MEIOB: variants seen among roughly 807,000 people sequenced by gnomAD.
MEIOB encodes meiosis specific with OB-fold.
Under a neutral mutation model 53.1 loss-of-function variants are expected in MEIOB, and 50 were observed. That is an observed-to-expected ratio of 0.94 (90% CI 0.75 to 1.19). The LOEUF (loss-of-function observed/expected upper bound fraction) is 1.19. Among genes scored for constraint, MEIOB ranks in the 50% most tolerant of loss-of-function variants. MEIOB has a pLI of 0.00. For missense variants in MEIOB, 551 were observed against 550.8 expected (o/e 1.00, Z 0.00); for synonymous variants, 192 against 182.5 (o/e 1.05, Z -0.42).
At chr16:1,861,956 A>G (rs924850771) in intron 4 of MEIOB, 29 bp downstream of exon 4, 2 of 1,544,140 alleles carry the variant, frequency 1.3e-6, no homozygotes, top group African/African-American at 2.8e-5. Context: ...ACTATGATGG[A>G]AAAAGTTTAA....
intron 12 of MEIOB, 74 bp downstream of exon 12, chr16:1,839,181 A>G: frequency 6.9e-7 from 1 of 1,449,700 alleles, no homozygotes; most frequent in Non-Finnish European, 9.1e-7. Context: ...GTTTGACAAA[A>G]CAACCTATAT....
In MEIOB at chr16:1,857,765, C is replaced by T; in HGVS notation, c.498G>A (p.Arg166=). Residue 166 remains arginine, a synonymous_variant, in exon 6 of 14, where the codon AGG becomes AGA. Transcript: ENST00000325962. ...IVANGHSLNG[R]IINVLAAVKS... The stretch of plus-strand genomic sequence containing the variant: ...TCACAGCTGCAAGCACGTTAATAAT[C>T]CTCCCATTAAGACTGTGTCCATTTG... 1 of 1,551,320 alleles carries T rather than the reference C, an allele frequency of 6.4e-7. No homozygotes were observed. The highest frequency in any genetic ancestry group is 1.2e-5 in the South Asian group (1 of 83,658).
In MEIOB at chr16:1,854,165, C is replaced by A; in HGVS notation, c.564G>T (p.Arg188=). Residue 188 remains arginine (R), a synonymous_variant, in exon 7 of 14, where the codon CGG becomes CGT. Transcript: ENST00000325962. ...TAACTTCACACCTCTGGCCTTTTCT[C>A]CGGTCTGAAGTTGTAAAGTATTTTG... ...GEPKYFTTSD[R]RKGQRCEVRL... 1 of 1,550,856 alleles carries A rather than the reference C, an allele frequency of 6.4e-7. No homozygotes were observed. Among genetic ancestry groups the A allele is most frequent in the Non-Finnish European group, 8.7e-7 (1 of 1,146,504 alleles).
chr16:1,839,645 G>A (rs1489241622), intron 11 of MEIOB: 12 of 482,090 alleles, frequency 2.5e-5, no homozygotes, highest in East Asian at 3.6e-5. Context: ...CTGAAACTGC[G>A]TACACCAGTC....
At chr16:1,846,069 A>G (rs1419183338) in intron 9 of MEIOB, among the ~76,000 whole-genome samples, 2 of 152,216 alleles carry the variant, frequency 1.3e-5, no homozygotes, top group Non-Finnish European at 2.9e-5. Context: ...CCATCTGACC[A>G]GCCACTCATC....
At chr16:1,854,251 A>G in intron 6 of MEIOB, 51 bp from the exon 7 acceptor site, 1 of 1,079,200 alleles carries the variant, frequency 9.3e-7, no homozygotes, top group Non-Finnish European at 1.4e-6. Context: ...AGAAGTTCTT[A>G]AGTATTTGTT....
At chr16:1,847,086 CAG>C (rs754500572) in intron 9 of MEIOB, among the ~76,000 whole-genome samples, 1 of 152,066 alleles carries the variant, frequency 6.6e-6, no homozygotes, top group Non-Finnish European at 1.5e-5. Context: ...ACCCAGGAGG[CAG>C]AGACTGCAGT....
intron 13 of MEIOB, among the ~76,000 whole-genome samples, chr16:1,834,847 AT>A (rs1898696206): frequency 6.6e-6 from 1 of 152,198 alleles, no homozygotes; most frequent in Non-Finnish European, 1.5e-5. Flanking sequence ...AGGCAGGAGA[AT>A]CCCTTGAACC....
intron 6 of MEIOB, among the ~76,000 whole-genome samples, chr16:1,857,440 ACAT>A (rs1567278989): frequency 6.6e-6 from 1 of 152,230 alleles, no homozygotes. Context: ...CTTTCCATTT[ACAT>A]CTTTGTTTAA....
At chr16:1,852,303 G>A (rs1450983945) in intron 9 of MEIOB, among the ~76,000 whole-genome samples, 1 of 115,378 alleles carries the variant, frequency 8.7e-6, no homozygotes, top group Non-Finnish European at 1.6e-5. Flanking sequence ...TCGCTCTGTC[G>A]CCAGGCTGGA....
chr16:1,858,309 A>G (rs1360780493), intron 5 of MEIOB, among the ~76,000 whole-genome samples: 1 of 152,122 alleles, frequency 6.6e-6, no homozygotes, highest in Non-Finnish European at 1.5e-5. Context: ...TTAGTGCCTC[A>G]GGTCAGGGAC....
chr16:1,867,665 T>A (rs965182773), intron 2 of MEIOB, among the ~76,000 whole-genome samples: 1 of 151,658 alleles, frequency 6.6e-6, no homozygotes, highest in African/African-American at 2.4e-5. Context: ...AGAGATGGGG[T>A]TTCTCCATGT....
At chr16:1,836,100 CCTT>C (rs1306876963) in intron 13 of MEIOB, among the ~76,000 whole-genome samples, 2 of 152,024 alleles carry the variant, frequency 1.3e-5, no homozygotes, top group East Asian at 1.9e-4. Flanking sequence ...CCCTTTGAAT[CCTT>C]CTTCTCCCCT....
At chr16:1,842,719 A>G (rs1898944341) in intron 10 of MEIOB, among the ~76,000 whole-genome samples, 1 of 150,366 alleles carries the variant, frequency 6.7e-6, no homozygotes, top group Non-Finnish European at 1.5e-5. Context: ...GCGGTAGTGC[A>G]GTGGCGCGAT....
rs1899643039 is a variant in MEIOB at position 1,868,201 on chromosome 16, A to G, written c.-9-17T>C. The G allele has an allele frequency of 8.0e-7, 1 of 1,254,054 alleles. No individual in the cohort carries two copies. The highest frequency in any genetic ancestry group is 1.5e-5 in the African/African-American group (1 of 66,870). 77.7% of individuals were successfully genotyped at this position (1,254,054 alleles called of 1,614,324 possible). On this transcript the variant is annotated splice_polypyrimidine_tract_variant and intron_variant, in intron 1 of 13. Transcript: ENST00000325962. ...TTTTTTAATCTGCATTTTAGAAAAT[A>G]TAATTTAGATATATAAATTGAATAA...
At chr16:1,855,738 T>C (rs1899283651) in intron 6 of MEIOB, among the ~76,000 whole-genome samples, 1 of 152,224 alleles carries the variant, frequency 6.6e-6, no homozygotes, top group African/African-American at 2.4e-5. Context: ...TGACTTCTCC[T>C]GTTTTTCAAG....
Position 1,857,879 on chromosome 16 carries a change from G to A in MEIOB, c.384C>T (p.Ser128=). 6.4e-7 allele frequency: 1 copy of A among 1,550,904 alleles called. No homozygotes were observed. Among genetic ancestry groups the A allele is most frequent in the Non-Finnish European group, 8.7e-7 (1 of 1,146,714 alleles). Residue 128 remains serine, a synonymous_variant, in exon 6 of 14, where the codon TCC becomes TCT. Coordinates refer to ENST00000325962, the MANE Select transcript of MEIOB (RefSeq NM_001163560.3). ...SENHSTVKVC[S]SYEVDTKLLS... The stretch of plus-strand genomic sequence containing the variant: ...GTAACTTTGTGTCCACTTCATAACT[G>A]GAACAAACTTTTACTGTTGAGTGAT...
intron 13 of MEIOB, among the ~76,000 whole-genome samples, chr16:1,836,445 A>G (rs1254198720): frequency 6.6e-6 from 1 of 152,178 alleles, no homozygotes; most frequent in African/African-American, 2.4e-5. Context: ...GTCTGGAGGG[A>G]AAGTATACAG....
chr16:1,869,023 T>C (rs1207889744), intron 1 of MEIOB, among the ~76,000 whole-genome samples: 2 of 152,188 alleles, frequency 1.3e-5, no homozygotes, highest in East Asian at 1.9e-4. Context: ...ATAGCTATTA[T>C]AGGTTTCAAT....
Sources: gnomAD v4.1 joint callset for allele counts (sites outside exome capture counted in the v4.1 genomes callset) on GRCh38, gnomAD v4.1.1 for gene constraint, MANE v1.5 for transcripts, NCBI Gene and HGNC (gene_info 2026-07-23, HGNC 2026-07-21) for gene names.